AKAP8: variants seen among roughly 807,000 people sequenced by gnomAD.
AKAP8 encodes A-kinase anchoring protein 8, also known as A-kinase anchor protein 8.
A neutral mutation model predicts 67.5 loss-of-function variants in AKAP8; 24 were observed. The ratio of observed to expected loss-of-function variants is 0.36; its 90% CI spans 0.26 to 0.50. AKAP8 has a LOEUF of 0.50. Among genes scored for constraint, AKAP8 ranks in the 20% least tolerant of loss-of-function variants. The pLI is 0.97. For missense variants in AKAP8, 971 were observed against 955.9 expected (o/e 1.02, Z -0.21); for synonymous variants, 400 against 371.1 (o/e 1.08, Z -0.90).
chr19:15,357,428 CAAAAAAAAAAAAAA>C (rs59205660), intron 13 of AKAP8, among the ~76,000 whole-genome samples: 6 of 40,704 alleles, frequency 1.5e-4, no homozygotes, highest in African/African-American at 5.4e-4. Flanking sequence ...GACTCCATCT[CAAAAAAAAAAAAAA>C]AAAAAAAAAA....
rs1568424495 is a variant in AKAP8, at chr19:15,362,266, C to G, written c.1161-15G>C. On this transcript the variant is annotated splice_polypyrimidine_tract_variant and intron_variant, in intron 9 of 13. Transcript: ENST00000269701. ...CAAACTGAATTCTGTAGAAGGAAAA[C>G]AAGGAGGGGAGTGAAGCAGGGAGCA... The G allele has an allele frequency of 2.5e-6, 4 of 1,613,804 alleles. No individual in the cohort carries two copies. The highest frequency in any genetic ancestry group is 3.3e-5 in the Admixed American group (2 of 59,994).
chr19:15,362,333 A>T, intron 9 of AKAP8, 82 bp from the exon 10 acceptor site: 1 of 1,496,126 alleles, frequency 6.7e-7, no homozygotes, highest in Non-Finnish European at 9.1e-7. Flanking sequence ...CTCTGAGGAG[A>T]GCTGAAATAG....
At chr19:15,364,106 G>A in intron 9 of AKAP8, among the ~76,000 whole-genome samples, 1 of 8,956 alleles carries the variant, frequency 1.1e-4, no homozygotes, top group Non-Finnish European at 2.0e-4. Flanking sequence ...ATTGGCAGTG[G>A]GCAAAAAAAA....
At position 15,361,054 on chromosome 19, in the gene AKAP8, G is replaced by T. The variant is rs569099524; in HGVS notation, c.1397-76C>A. On this transcript the variant is annotated intron_variant, in intron 11 of 13. Transcript: ENST00000269701. ...CCTCCTACTCCCCATCTGGGCCCAC[G>T]TTTTCTCCCTGCAACTCTAAGGAAT... 1.4e-4 allele frequency: 217 copies of T among 1,539,970 alleles called. 1 individual carries two copies. In the African/African-American group the frequency reaches 2.6e-3, roughly 18 times the overall value.
chr19:15,359,280 C>T (rs972970405), intron 12 of AKAP8, among the ~76,000 whole-genome samples: 2 of 152,192 alleles, frequency 1.3e-5, no homozygotes, highest in African/African-American at 4.8e-5. Context: ...CAAAGATGCA[C>T]CACTGATACC....
intron 9 of AKAP8, among the ~76,000 whole-genome samples, chr19:15,366,101 A>ATTT (rs772547504): frequency 0.015 from 2,037 of 132,242 alleles, 21 homozygotes; most frequent in Non-Finnish European, 0.029. Context: ...TTTTTTTTTA[A>ATTT]AAAAAGTCAC....
chr19:15,372,929 C>G lies in AKAP8; in HGVS notation c.783G>C (p.Met261Ile), dbSNP rs1375398880. Residue 261 changes from methionine (M) to isoleucine (I), a missense_variant, in exon 5 of 14, where the codon ATG becomes ATC. This residue lies in a region of AKAP8 where 763 missense variants were observed against 745.4 expected (regional missense o/e 1.02). Coordinates refer to ENST00000269701, the MANE Select transcript of AKAP8 (RefSeq NM_005858.4). The stretch of plus-strand genomic sequence containing the variant: ...TGCTGTCATAGCCGCCCGCCCCCTG[C>G]ATGCCCATCACGCCGTAGTCGGGAG... ...SMAPDYGVMG[M>I]QGAGGYDSTM... 1.3e-6 allele frequency: 2 copies of G among 1,529,428 alleles called. No individual in the cohort carries two copies. Among genetic ancestry groups the G allele is most frequent in the Non-Finnish European group, 1.8e-6 (2 of 1,139,748 alleles). 94.7% of individuals were successfully genotyped at this position (1,529,428 alleles called of 1,614,324 possible).
At chr19:15,365,088 T>C (rs1233129246) in intron 9 of AKAP8, among the ~76,000 whole-genome samples, 1 of 152,188 alleles carries the variant, frequency 6.6e-6, no homozygotes, top group Non-Finnish European at 1.5e-5. Flanking sequence ...CCAAAGCCCC[T>C]GAGAAAACAC....
At chr19:15,377,133 T>TC (rs1021742732) in intron 1 of AKAP8, 119 bp from the exon 2 acceptor site, 55 of 1,124,062 alleles carry the variant, frequency 4.9e-5, no homozygotes, top group African/African-American at 4.5e-4. Context: ...GAAGGAAGAC[T>TC]CCCCCCCACC....
At chr19:15,371,743 C>CGGAG (rs2145081391) in intron 7 of AKAP8, among the ~76,000 whole-genome samples, 1 of 152,236 alleles carries the variant, frequency 6.6e-6, no homozygotes, top group South Asian at 2.1e-4. Context: ...CCCACCTGAG[C>CGGAG]CTCCCTAAGT....
In AKAP8 at chr19:15,355,262, A is replaced by C. The variant is rs909104923; in HGVS notation, c.1732T>G (p.Leu578Val). Reference sequence around the variant, plus strand: ...ACTGCTGCTGTAATCACCTCTGCTAAGACGTCCGCGGCCACCTCCTCAGGT... The same window carrying C: ...ACTGCTGCTGTAATCACCTCTGCTACGACGTCCGCGGCCACCTCCTCAGGT... ...ETPEEVAADV[L>V]AEVITAAVRA... Residue 578 changes from leucine (L) to valine (V), a missense_variant, in exon 14 of 14, where the codon TTA becomes GTA. Leu to Val is a conservative substitution (Grantham distance 32). Coordinates refer to ENST00000269701, the MANE Select transcript of AKAP8 (RefSeq NM_005858.4). The C allele has an allele frequency of 5.6e-6, 9 of 1,612,594 alleles. No homozygotes were observed. Among genetic ancestry groups the C allele is most frequent in the Non-Finnish European group, 6.8e-6 (8 of 1,180,036 alleles).
intron 1 of AKAP8, among the ~76,000 whole-genome samples, chr19:15,377,480 T>C (rs747296647): frequency 6.6e-6 from 1 of 152,080 alleles, no homozygotes; most frequent in Non-Finnish European, 1.5e-5. Context: ...CCACTTTTTG[T>C]TTTTTTGAGG....
Position 15,368,221 on chromosome 19 carries a change from T to C in AKAP8, c.1160+14A>G. 6.2e-7 allele frequency: 1 copy of C among 1,610,206 alleles called. No individual in the cohort carries two copies. The highest frequency in any genetic ancestry group is 8.5e-7 in the Non-Finnish European group (1 of 1,179,750). On this transcript the variant is annotated intron_variant, in intron 9 of 13. Transcript: ENST00000269701. ...GTCCACCTCCTCCTGTGGGGTCGTG[T>C]GCCCGCGCCTCACCTGTCGGCTGCA...
rs1272317429 is a variant in AKAP8 at position 15,373,947 on chromosome 19, G to A, written c.210C>T (p.Ala70=). Reference sequence around the variant, plus strand: ...AGGCCATGTGCATGGCAGGGGCCCCGGCCGCCAGGCCGCCATCATTGGCCT... The same window carrying A: ...AGGCCATGTGCATGGCAGGGGCCCCAGCCGCCAGGCCGCCATCATTGGCCT... The part of the protein sequence containing the change: ...AAKANDGGLA[A]GAPAMHMASY... Residue 70 remains alanine (A), a synonymous_variant, in exon 4 of 14, where the codon GCC becomes GCT. Coordinates refer to ENST00000269701, the MANE Select transcript of AKAP8 (RefSeq NM_005858.4). The A allele has an allele frequency of 1.4e-5, 23 of 1,613,172 alleles. No homozygotes were observed. Among genetic ancestry groups the A allele is most frequent in the East Asian group, 8.9e-5 (4 of 44,896 alleles).
At position 15,354,904 on chromosome 19, in the gene AKAP8, G is replaced by A. The variant is rs560007341; in HGVS notation, c.*11C>T. On this transcript the variant is annotated 3_prime_UTR_variant, in exon 14 of 14. Coordinates refer to ENST00000269701, the MANE Select transcript of AKAP8 (RefSeq NM_005858.4). The stretch of plus-strand genomic sequence containing the variant: ...CATCCCAACGCCTTCCCTGGAACAG[G>A]GAAATGAGCATCATTCTGTGGGAAC... 3.7e-6 allele frequency: 6 copies of A among 1,611,892 alleles called. No individual in the cohort carries two copies. The highest frequency in any genetic ancestry group is 1.3e-5 in the African/African-American group (1 of 75,056).
chr19:15,372,102 T>G lies in AKAP8; in HGVS notation c.992-104A>C. On this transcript the variant is annotated intron_variant, in intron 6 of 13. Coordinates refer to ENST00000269701, the MANE Select transcript of AKAP8 (RefSeq NM_005858.4). Reference sequence around the variant, plus strand: ...CAGGGTGAGTCTGCCCTGACCACAGTGGGGTTGAAACATGCCACCTGCGAG... The same window carrying G: ...CAGGGTGAGTCTGCCCTGACCACAGGGGGGTTGAAACATGCCACCTGCGAG... 5 of 1,608,896 alleles carry G rather than the reference T, an allele frequency of 3.1e-6. No individual in the cohort carries two copies. The East Asian group carries it at 6.7e-5, about 22-fold the overall frequency.
chr19:15,367,719 T>C (rs189381140), intron 9 of AKAP8, among the ~76,000 whole-genome samples: 21 of 152,338 alleles, frequency 1.4e-4, no homozygotes, highest in Non-Finnish European at 2.6e-4. Flanking sequence ...TCCTTTTCTA[T>C]TGTGGGACAA....
chr19:15,356,836 T>G (rs887982814), intron 13 of AKAP8, among the ~76,000 whole-genome samples: 3 of 151,516 alleles, frequency 2.0e-5, no homozygotes, highest in Non-Finnish European at 4.4e-5. Context: ...TCTTAAAAAA[T>G]TAGCCAGCAT....
chr19:15,367,302 G>C (rs1188871184), intron 9 of AKAP8, among the ~76,000 whole-genome samples: 1 of 152,140 alleles, frequency 6.6e-6, no homozygotes, highest in East Asian at 1.9e-4. Context: ...GGCCAAGGCG[G>C]GCAGATCACA....
Sources: allele counts gnomAD v4.1 joint callset (sites outside exome capture counted in the v4.1 genomes callset), GRCh38; gene constraint gnomAD v4.1.1; regional missense constraint gnomAD v4.1.1; transcripts MANE v1.5; gene names NCBI Gene and HGNC (gene_info 2026-07-23, HGNC 2026-07-21).